Variants in ZIM2 observed in about 807,000 individuals in gnomAD.
ZIM2 encodes zinc finger imprinted 2.
Under a neutral mutation model 38.6 loss-of-function variants are expected in ZIM2, and 14 were observed. The ratio of observed to expected loss-of-function variants is 0.36; its 90% confidence interval spans 0.24 to 0.57. ZIM2 has a LOEUF of 0.57. Among genes scored for constraint, ZIM2 ranks in the 20% least tolerant of loss-of-function variants. The pLI, the probability that ZIM2 is intolerant of heterozygous loss-of-function variation, is 0.81. For synonymous variants in ZIM2, 247 were observed against 245.8 expected (o/e 1.00, Z -0.04); for missense variants, 680 against 695.1 (o/e 0.98, Z 0.24).
At chr19:56,816,969 A>C in intron 9 of ZIM2, 1 of 1,614,208 alleles carries the variant, frequency 6.2e-7, no homozygotes, top group South Asian at 1.1e-5. Context: ...CTTCACTGAC[A>C]GCCACACTGT....
chr19:56,812,026 T>A, intron 9 of ZIM2: 2 of 984,772 alleles, frequency 2.0e-6, no homozygotes, highest in Non-Finnish European at 2.4e-6. Context: ...ATCCTGCAGA[T>A]CCAGAAGAGT....
At chr19:56,793,722 A>G (rs1568577767) in intron 9 of ZIM2, among the ~76,000 whole-genome samples, 9 of 152,224 alleles carry the variant, frequency 5.9e-5, no homozygotes. Context: ...AAGTGTTGAC[A>G]AGGATAATAG....
intron 9 of ZIM2, among the ~76,000 whole-genome samples, chr19:56,801,701 G>C (rs904711606): frequency 2.6e-5 from 4 of 152,182 alleles, no homozygotes; most frequent in Non-Finnish European, 5.9e-5. Context: ...CAATCCCATA[G>C]AGAAGAGACA....
intron 9 of ZIM2, among the ~76,000 whole-genome samples, chr19:56,804,493 C>T (rs140677985): frequency 1.4e-4 from 22 of 152,308 alleles, no homozygotes; most frequent in African/African-American, 2.9e-4. Context: ...GTAGGTGTAG[C>T]GATTTCTGTC....
intron 10 of ZIM2, 134 bp downstream of exon 10, chr19:56,789,738 A>T: frequency 1.3e-6 from 1 of 743,540 alleles, no homozygotes; most frequent in South Asian, 4.5e-5. Context: ...GTCAGAAAAA[A>T]GGCTCAGTAA....
At position 56,825,361 on chromosome 19, in the gene ZIM2, C is replaced by G. The variant is rs111459952; in HGVS notation, c.-150-934G>C. On this transcript the variant is annotated intron_variant, in intron 3 of 12. Transcript: ENST00000629319. ...ACAGTGAGAAGTGACCATTGAGCCT[C>G]TTGATGCTACTGCACGTTCTTTTGC... Among the ~76,000 whole-genome samples, 460 of 152,360 alleles carry G rather than the reference C, an allele frequency of 3.0e-3. 2 individuals carry two copies. The highest frequency in any genetic ancestry group is 0.01 in the African/African-American group (429 of 41,586).
chr19:56,833,945 C>T (rs2061822931), intron 2 of ZIM2, among the ~76,000 whole-genome samples: 1 of 152,184 alleles, frequency 6.6e-6, no homozygotes, highest in African/African-American at 2.4e-5. Flanking sequence ...AAGCTTAGCA[C>T]TTACCACACT....
chr19:56,800,026 A>G (rs986439210), intron 9 of ZIM2, among the ~76,000 whole-genome samples: 3 of 152,198 alleles, frequency 2.0e-5, no homozygotes, highest in Non-Finnish European at 4.4e-5. Context: ...GCCCCTAAGG[A>G]GACAGAGTTG....
In ZIM2 at chr19:56,775,265, G is replaced by T. The variant is rs750607483; in HGVS notation, c.1100C>A (p.Thr367Asn). Reference protein sequence around the residue: ...KHNRCEFCKRTFSTQVALRRH... With the variant: ...KHNRCEFCKRNFSTQVALRRH... ...CCTAAGGGCTACTTGCGTACTAAAG[G>T]TTCGTTTGCAAAATTCACATCTGTT... Residue 367 changes from threonine to asparagine, a missense_variant, in exon 13 of 13, where the codon ACC becomes AAC. Physicochemically the swap from Thr to Asn is moderately conservative, Grantham distance 65. Transcript: ENST00000629319. The T allele has an allele frequency of 6.2e-7, 1 of 1,614,002 alleles. No individual in the cohort carries two copies. Among genetic ancestry groups the T allele is most frequent in the East Asian group, 2.2e-5 (1 of 44,890 alleles).
chr19:56,838,347 C>G (rs2062444974), intron 1 of ZIM2, among the ~76,000 whole-genome samples: 1 of 152,206 alleles, frequency 6.6e-6, no homozygotes, highest in South Asian at 2.1e-4. Flanking sequence ...CCTGCGCAAT[C>G]AACCTCGGGC....
At chr19:56,808,070 C>T (rs1172154541) in intron 9 of ZIM2, among the ~76,000 whole-genome samples, 1 of 152,090 alleles carries the variant, frequency 6.6e-6, no homozygotes, top group Non-Finnish European at 1.5e-5. Context: ...ATGTATTGCT[C>T]TACTGAAAAT....
At chr19:56,833,099 T>A (rs957784824) in intron 2 of ZIM2, 1 of 503,530 alleles carries the variant, frequency 2.0e-6, no homozygotes, top group African/African-American at 1.9e-5. Context: ...AAAGAACACA[T>A]CATGCACTAG....
intron 1 of ZIM2, among the ~76,000 whole-genome samples, chr19:56,838,729 G>A (rs1160578359): frequency 1.3e-5 from 2 of 152,168 alleles, no homozygotes; most frequent in Admixed American, 6.5e-5. Flanking sequence ...CCCCAGATGC[G>A]GGGACTGAGC....
intron 2 of ZIM2, among the ~76,000 whole-genome samples, chr19:56,830,082 G>A (rs1481071158): frequency 2.0e-5 from 3 of 152,242 alleles, no homozygotes; most frequent in African/African-American, 7.2e-5. Context: ...AATCAGAGCT[G>A]TGCTTGAAGA....
In ZIM2 at chr19:56,814,173, T is replaced by A; in HGVS notation, c.490+3573A>T. 1 of 1,613,508 alleles carries A rather than the reference T, an allele frequency of 6.2e-7. No individual in the cohort carries two copies. The highest frequency in any genetic ancestry group is 8.5e-7 in the Non-Finnish European group (1 of 1,179,888). Reference sequence around the variant, plus strand: ...GCTCTGCAGCCTCTCCATCTGGCCCTTCAGCCTCTCCGTTTGGCTCAGCAG... The same window carrying A: ...GCTCTGCAGCCTCTCCATCTGGCCCATCAGCCTCTCCGTTTGGCTCAGCAG... On this transcript the variant is annotated intron_variant, in intron 9 of 12. Transcript: ENST00000629319. The surrounding 1 kb of genome is among the most constrained non-coding windows in gnomAD (Gnocchi z 5.8).
chr19:56,779,538 T>C, intron 11 of ZIM2, 66 bp from the exon 12 acceptor site: 1 of 1,487,588 alleles, frequency 6.7e-7, no homozygotes, highest in Non-Finnish European at 9.3e-7. Flanking sequence ...CCAAAGACTC[T>C]GGAATAATAA....
rs555297780 is a variant in ZIM2, at chr19:56,787,033, C to T, written c.570+2839G>A. Among the ~76,000 whole-genome samples, 29 of 151,522 alleles carry T rather than the reference C, an allele frequency of 1.9e-4. No homozygotes were observed. The East Asian group carries it at 4.1e-3, about 22-fold the overall frequency. On this transcript the variant is annotated intron_variant, in intron 10 of 12. Transcript: ENST00000629319. ...TGTATTTTTAGTAGAGATGCGGTTT[C>T]GCATGTTGGCCAGGCTCGTCTTCAA...
chr19:56,788,539 T>C (rs573657475), intron 10 of ZIM2, among the ~76,000 whole-genome samples: 48 of 152,294 alleles, frequency 3.2e-4, no homozygotes, highest in African/African-American at 1.0e-3. Context: ...GGGCTTCCCT[T>C]TGTGGGTAAC....
chr19:56,824,411 T>C lies in ZIM2; in HGVS notation c.-134A>G, dbSNP rs2060813516. On this transcript the variant is annotated 5_prime_UTR_variant, in exon 4 of 13. Coordinates refer to ENST00000629319, the MANE Select transcript of ZIM2 (RefSeq NM_001387356.1). ...GACCAAGAGCTCGATGATCTCCTCC[T>C]TGGTGCGGGTCTCCGGCTGCAACCA... The C allele has an allele frequency of 6.2e-7, 1 of 1,614,042 alleles. No individual in the cohort carries two copies. Among genetic ancestry groups the C allele is most frequent in the Non-Finnish European group, 8.5e-7 (1 of 1,180,030 alleles).
Sources: gnomAD v4.1 joint callset for allele counts (sites outside exome capture counted in the v4.1 genomes callset) on GRCh38, gnomAD v4.1.1 for gene constraint, Gnocchi (gnomAD v3.1) non-coding constraint, MANE v1.5 for transcripts, NCBI Gene and HGNC (gene_info 2026-07-23, HGNC 2026-07-21) for gene names.